Variants in NRXN1 observed in about 807,000 individuals in gnomAD.
NRXN1 encodes neurexin-1.
In NRXN1, 39 loss-of-function variants were observed where a neutral mutation model predicts 150.9. The observed-to-expected ratio is 0.26, with a 90% CI of 0.20 to 0.34. The LOEUF is 0.34. NRXN1 is among the 10% of genes least tolerant of loss of function. NRXN1 has a pLI of 1.00. For synonymous variants in NRXN1, 924 were observed against 757.0 expected (o/e 1.22, Z -3.62); for missense variants, 1,815 against 1,949.9 (o/e 0.93, Z 1.30).
chr2:50,145,077 T>C (rs767166472), intron 18 of NRXN1, among the ~76,000 whole-genome samples: 10 of 151,718 alleles, frequency 6.6e-5, no homozygotes, highest in Non-Finnish European at 8.8e-5. Flanking sequence ...TTAACAAATA[T>C]AGAGAAGAAA....
intron 19 of NRXN1, among the ~76,000 whole-genome samples, chr2:50,089,668 T>C (rs1699282496): frequency 6.6e-6 from 1 of 151,766 alleles, no homozygotes; most frequent in Admixed American, 6.6e-5. Context: ...TGTGCACCTG[T>C]AGTCCTAGCT....
chr2:50,948,241 T>C lies in NRXN1; in HGVS notation c.773-22286A>G, dbSNP rs180873478. 1.1e-3 allele frequency among the ~76,000 whole-genome samples: 164 copies of C among 152,108 alleles called. 1 individual carries two copies. Among genetic ancestry groups the C allele is most frequent in the Admixed American group, 5.0e-3 (76 of 15,244 alleles). On this transcript the variant is annotated intron_variant, in intron 2 of 22. Coordinates refer to ENST00000401669, the MANE Select transcript of NRXN1 (RefSeq NM_001330078.2). ...ATTAACATCTGAATATTGACAACTT[T>C]TTAATCATCAAACGTCCATTATATA...
At chr2:50,320,408 T>C (rs1341645298) in intron 17 of NRXN1, among the ~76,000 whole-genome samples, 1 of 147,890 alleles carries the variant, frequency 6.8e-6, no homozygotes, top group Non-Finnish European at 1.5e-5. Flanking sequence ...CATAGTATCT[T>C]ACTATAAAAA....
At chr2:49,971,272 G>C (rs539718816) in intron 21 of NRXN1, among the ~76,000 whole-genome samples, 11 of 152,174 alleles carry the variant, frequency 7.2e-5, no homozygotes, top group Non-Finnish European at 1.2e-4. Context: ...GCTGTGGTAT[G>C]AACACATTTC....
chr2:50,024,620 C>CT (rs1040229960), intron 21 of NRXN1, among the ~76,000 whole-genome samples: 3,908 of 146,150 alleles, frequency 0.027, 165 homozygotes, highest in African/African-American at 0.091. Context: ...CAGAGTAATT[C>CT]TTTTTTTTTT....
chr2:50,089,710 A>G (rs1157134094), intron 19 of NRXN1, among the ~76,000 whole-genome samples: 1 of 152,010 alleles, frequency 6.6e-6, no homozygotes, highest in Admixed American at 6.6e-5. Context: ...GGATCCTGTG[A>G]GCCCAGGAGT....
intron 17 of NRXN1, among the ~76,000 whole-genome samples, chr2:50,389,159 G>C (rs941896971): frequency 3.3e-5 from 5 of 151,658 alleles, no homozygotes; most frequent in Admixed American, 6.6e-5. Flanking sequence ...GCGAGGCCCT[G>C]TCTCAAGACA....
chr2:50,527,573 A>T (rs538952978), intron 12 of NRXN1, among the ~76,000 whole-genome samples: 5 of 152,164 alleles, frequency 3.3e-5, no homozygotes, highest in African/African-American at 1.2e-4. Flanking sequence ...TTTTAAAAGA[A>T]TATTAAATAT....
intron 5 of NRXN1, among the ~76,000 whole-genome samples, chr2:50,856,193 A>T (rs1466024628): frequency 6.6e-6 from 1 of 152,022 alleles, no homozygotes; most frequent in Non-Finnish European, 1.5e-5. Flanking sequence ...CTGGGAAATA[A>T]TCTTTAGAAG....
At chr2:50,740,679 A>T (rs1421329700) in intron 5 of NRXN1, among the ~76,000 whole-genome samples, 1 of 152,166 alleles carries the variant, frequency 6.6e-6, no homozygotes, top group Non-Finnish European at 1.5e-5. Flanking sequence ...GTTTTTTTCC[A>T]GTATTTCTTT....
At chr2:49,950,768 TA>T (rs965902638) in intron 21 of NRXN1, among the ~76,000 whole-genome samples, 3 of 151,694 alleles carry the variant, frequency 2.0e-5, no homozygotes, top group Non-Finnish European at 4.4e-5. Context: ...AAGTGTCTGC[TA>T]AAAAAAATAC....
chr2:50,475,409 A>G (rs1558795989), intron 15 of NRXN1, among the ~76,000 whole-genome samples: 1 of 98,310 alleles, frequency 1.0e-5, no homozygotes, highest in African/African-American at 3.6e-5. Context: ...AAAAGAGGAA[A>G]CAGTAAGGCA....
At chr2:50,462,247 G>A (rs1022973175) in intron 17 of NRXN1, among the ~76,000 whole-genome samples, 3 of 151,790 alleles carry the variant, frequency 2.0e-5, no homozygotes, top group African/African-American at 7.2e-5. Context: ...AGTCTTATAG[G>A]GAGGTAAGAC....
chr2:50,990,113 G>A (rs904565149), intron 2 of NRXN1, among the ~76,000 whole-genome samples: 2 of 151,778 alleles, frequency 1.3e-5, no homozygotes, highest in Non-Finnish European at 2.9e-5. Context: ...TCTTCTGTAG[G>A]GAACTGTCTG....
intron 5 of NRXN1, among the ~76,000 whole-genome samples, chr2:50,706,451 A>G (rs1007960388): frequency 2.6e-5 from 4 of 152,154 alleles, no homozygotes; most frequent in African/African-American, 9.7e-5. Flanking sequence ...GAGCTTATTG[A>G]TAAGGGAAAC....
intron 5 of NRXN1, among the ~76,000 whole-genome samples, chr2:50,762,864 G>A (rs73933054): frequency 6.6e-6 from 1 of 151,894 alleles, no homozygotes; most frequent in Admixed American, 6.6e-5. Flanking sequence ...TCCTTTCCTA[G>A]CCCAGTTTTC....
intron 21 of NRXN1, among the ~76,000 whole-genome samples, chr2:49,965,506 G>A (rs781299259): frequency 1.9e-3 from 286 of 152,038 alleles, no homozygotes; most frequent in Non-Finnish European, 3.1e-3. Context: ...GACCTCAGGC[G>A]ATCCACCCTC....
intron 12 of NRXN1, among the ~76,000 whole-genome samples, chr2:50,521,495 A>G (rs1318831401): frequency 1.3e-5 from 2 of 152,192 alleles, no homozygotes; most frequent in Admixed American, 6.5e-5. Context: ...TGTTTTCATA[A>G]TGCATTTCTT....
chr2:50,314,909 A>G (rs1215982573), intron 17 of NRXN1, among the ~76,000 whole-genome samples: 1 of 152,038 alleles, frequency 6.6e-6, no homozygotes, highest in African/African-American at 2.4e-5. Context: ...AGGGTGTTAA[A>G]GGCAGGTGAT....
Sources: allele counts gnomAD v4.1 joint callset (sites outside exome capture counted in the v4.1 genomes callset), GRCh38; gene constraint gnomAD v4.1.1; transcripts MANE v1.5; gene names NCBI Gene and HGNC (gene_info 2026-07-23, HGNC 2026-07-21).